Variants in DRICH1 observed in about 807,000 individuals in gnomAD.
DRICH1 encodes aspartate-rich protein 1.
DRICH1 carries 38 observed loss-of-function variants against 39.5 expected under a neutral mutation model. The observed-to-expected ratio is 0.96, with a 90% CI of 0.74 to 1.26. The LOEUF is 1.26. Among genes scored for constraint, DRICH1 ranks in the 50% most tolerant of loss-of-function variants. The pLI, the probability that DRICH1 is intolerant of heterozygous loss-of-function variation, is 0.00. For missense variants in DRICH1, 279 were observed against 270.4 expected (o/e 1.03, Z -0.22); for synonymous variants, 84 against 99.5 (o/e 0.84, Z 0.93).
chr22:23,612,892 T>C (rs1927124439), intron 11 of DRICH1, among the ~76,000 whole-genome samples: 1 of 152,158 alleles, frequency 6.6e-6, no homozygotes, highest in South Asian at 2.1e-4. Context: ...AAGGACTGTT[T>C]CTCTAGGTTC....
intron 6 of DRICH1, among the ~76,000 whole-genome samples, chr22:23,618,183 A>C (rs1332526013): frequency 7.1e-6 from 1 of 141,702 alleles, no homozygotes; most frequent in Non-Finnish European, 1.5e-5. Flanking sequence ...GTGTGATCTC[A>C]GCTCACTGCA....
the DRICH1 span, among the ~76,000 whole-genome samples, chr22:23,602,469 G>T: frequency 1.3e-5 from 2 of 152,112 alleles, no homozygotes; most frequent in Non-Finnish European, 2.9e-5. Flanking sequence ...TGGGTCACTT[G>T]GGGCCAGGAA....
At chr22:23,626,095 G>T in intron 1 of DRICH1, 47 bp from the exon 2 acceptor site, 2 of 1,383,464 alleles carry the variant, frequency 1.4e-6, no homozygotes, top group Non-Finnish European at 2.1e-6. Context: ...GTTGGAGACT[G>T]GGAGTCCCTC....
chr22:23,600,266 G>A, the DRICH1 span, among the ~76,000 whole-genome samples: 2 of 152,174 alleles, frequency 1.3e-5, no homozygotes, highest in Non-Finnish European at 2.9e-5. Flanking sequence ...TGAAATGTCT[G>A]AGGTTTGGAA....
chr22:23,626,272 AAG>A (rs1328894768), intron 1 of DRICH1, among the ~76,000 whole-genome samples: 1 of 152,194 alleles, frequency 6.6e-6, no homozygotes, highest in East Asian at 1.9e-4. Flanking sequence ...GAAGTCCCAG[AAG>A]ATATTAACCA....
chr22:23,582,554 G>GTTTATTATTATT, the DRICH1 span, among the ~76,000 whole-genome samples: 1 of 40,096 alleles, frequency 2.5e-5, no homozygotes, highest in African/African-American at 7.0e-5. Flanking sequence ...ACCTTCAGGG[G>GTTTATTATTATT]CTTATTATTA....
chr22:23,631,780 G>A, intron 1 of DRICH1, 36 bp downstream of exon 1: 2 of 1,562,628 alleles, frequency 1.3e-6, no homozygotes. Context: ...GGCCAGAGGT[G>A]TGCCAGAGGG....
intron 11 of DRICH1, among the ~76,000 whole-genome samples, chr22:23,610,162 CA>C (rs1926959871): frequency 1.3e-5 from 2 of 152,194 alleles, no homozygotes; most frequent in Non-Finnish European, 2.9e-5. Flanking sequence ...GCCCAACCGC[CA>C]GTCCTCAGGC....
chr22:23,629,678 C>T lies in DRICH1; in HGVS notation c.208+2138G>A, dbSNP rs151102107. Among the ~76,000 whole-genome samples, 38 of 152,222 alleles carry T rather than the reference C, an allele frequency of 2.5e-4. No individual in the cohort carries two copies. The East Asian group carries it at 6.6e-3, about 26-fold the overall frequency. On this transcript the variant is annotated intron_variant, in intron 1 of 11. Transcript: ENST00000317749. ...TCACCCAGGCTGGAGGGGGCAGTGGCTCGATCTCGGCTCACTGCAACCTCC... is the reference window on the plus strand; with the variant it reads ...TCACCCAGGCTGGAGGGGGCAGTGGTTCGATCTCGGCTCACTGCAACCTCC...
chr22:23,601,284 A>C, the DRICH1 span, among the ~76,000 whole-genome samples: 4 of 152,202 alleles, frequency 2.6e-5, no homozygotes, highest in African/African-American at 4.8e-5. Flanking sequence ...CTATTGATCC[A>C]TAAGGCAACT....
chr22:23,607,198 A>G (rs1430582071), downstream of DRICH1: 1 of 152,626 alleles, frequency 6.6e-6, no homozygotes, highest in East Asian at 1.9e-4. Flanking sequence ...GGAAGGCGAG[A>G]ACAGGAGAAG....
chr22:23,624,996 A>G, intron 2 of DRICH1, 92 bp from the exon 3 acceptor site: 1 of 1,425,212 alleles, frequency 7.0e-7, no homozygotes, highest in Admixed American at 1.8e-5. Context: ...GACTTCAGAA[A>G]ACTACTTTTG....
At position 23,632,151 on chromosome 22, in the gene DRICH1, G is replaced by C. The variant is rs1227235127; in HGVS notation, c.-128C>G. ...AGCAGCCTGACCCCAGGCAGATCTG[G>C]GTCCTCAGCCCTTATTCTGCCGCCA... On this transcript the variant is annotated 5_prime_UTR_variant, in exon 1 of 12. Coordinates refer to ENST00000317749, the MANE Select transcript of DRICH1 (RefSeq NM_016449.4). 1.4e-6 allele frequency: 2 copies of C among 1,468,702 alleles called. No individual in the cohort carries two copies. Among genetic ancestry groups the C allele is most frequent in the Admixed American group, 2.2e-5 (1 of 45,396 alleles). 91.0% of individuals were successfully genotyped at this position (1,468,702 alleles called of 1,614,324 possible). A position where few individuals can be genotyped will look rare whatever the true frequency, so the allele number is the denominator to read the frequency against.
At chr22:23,610,336 G>A (rs1451473859) in intron 11 of DRICH1, 1 of 152,238 alleles carries the variant, frequency 6.6e-6, no homozygotes, top group Non-Finnish European at 1.5e-5. Flanking sequence ...TAAGCCTTTA[G>A]GGAAGTGGGA....
At chr22:23,598,723 T>C in the DRICH1 span, among the ~76,000 whole-genome samples, 1 of 152,146 alleles carries the variant, frequency 6.6e-6, no homozygotes, top group East Asian at 1.9e-4. Flanking sequence ...CGAAATGGGG[T>C]CAGAGCTGGG....
At chr22:23,610,002 G>A (rs939818394) in intron 11 of DRICH1, among the ~76,000 whole-genome samples, 16 of 152,024 alleles carry the variant, frequency 1.1e-4, no homozygotes, top group African/African-American at 3.6e-4. Context: ...GAGTGGGACA[G>A]GTCCTTACGA....
chr22:23,601,711 G>A, the DRICH1 span, among the ~76,000 whole-genome samples: 1 of 152,210 alleles, frequency 6.6e-6, no homozygotes, highest in South Asian at 2.1e-4. Flanking sequence ...ACTGGCCGGA[G>A]TACCTGGGAT....
At position 23,622,092 on chromosome 22, in the gene DRICH1, T is replaced by G; in HGVS notation, c.383A>C (p.Gln128Pro). The change falls in exon 4 of 12, where the codon CAG becomes CCG. Residue 128 changes from glutamine (Q) to proline (P), a missense_variant and splice_region_variant. Coordinates refer to ENST00000317749, the MANE Select transcript of DRICH1 (RefSeq NM_016449.4). ...GAAGACAAAGAAAGATTGTCTTACC[T>G]GGGCATCATCATCATCATCATCATC... ...DCDDDDDDDA[Q>P]ILPSRVQGGC... 1 of 1,603,540 alleles carries G rather than the reference T, an allele frequency of 6.2e-7. No homozygotes were observed. Among genetic ancestry groups the G allele is most frequent in the Non-Finnish European group, 8.5e-7 (1 of 1,174,796 alleles).
chr22:23,585,572 C>T, the DRICH1 span, among the ~76,000 whole-genome samples: 3 of 151,946 alleles, frequency 2.0e-5, no homozygotes, highest in South Asian at 6.2e-4. Flanking sequence ...GGCTGGAGTG[C>T]AGTAGTGTAA....
Sources: allele counts gnomAD v4.1 joint callset (sites outside exome capture counted in the v4.1 genomes callset), GRCh38; gene constraint gnomAD v4.1.1; transcripts MANE v1.5; gene names NCBI Gene and HGNC (gene_info 2026-07-23, HGNC 2026-07-21).